The following INO80 variants were observed in gnomAD, a reference collection of about 807,000 sequenced individuals.
INO80 encodes the protein INO80 complex ATPase subunit, also known as chromatin-remodeling ATPase INO80.
Under a neutral mutation model 203.4 loss-of-function variants are expected in INO80, and 20 were observed. That is an observed-to-expected ratio of 0.10 (90% CI 0.07 to 0.14). The LOEUF (loss-of-function observed/expected upper bound fraction) is 0.14, where lower values mean the gene tolerates loss of function less well. INO80 is among the 10% of genes least tolerant of loss of function. INO80 has a pLI of 1.00. For missense variants in INO80, 1,419 were observed against 1,914.4 expected (o/e 0.74, Z 4.83); for synonymous variants, 726 against 685.2 (o/e 1.06, Z -0.93).
Position 41,116,047 on chromosome 15 carries a change from G to C in INO80, c.-118C>G. 2.5e-6 allele frequency: 1 copy of C among 394,792 alleles called. No individual in the cohort carries two copies. Among genetic ancestry groups the C allele is most frequent in the Non-Finnish European group, 4.5e-6 (1 of 223,604 alleles). The allele number at this position is 394,792 out of a possible 1,614,324, so 24.5% of individuals were successfully genotyped here. On this transcript the variant is annotated 5_prime_UTR_variant, in exon 1 of 36. Transcript: ENST00000648947. ...GTGCGGGCGGGGTCCGGAGGGGGGG[G>C]TCGCCCCGCCGACGGTGGAGCCGCG...
intron 1 of INO80, among the ~76,000 whole-genome samples, chr15:41,105,884 G>A (rs946398105): frequency 1.3e-5 from 2 of 152,106 alleles, no homozygotes; most frequent in African/African-American, 4.8e-5. Flanking sequence ...TTCATCTTAT[G>A]TATATTTCCT....
chr15:41,038,938 G>A (rs909759230), intron 24 of INO80, among the ~76,000 whole-genome samples: 1 of 152,138 alleles, frequency 6.6e-6, no homozygotes, highest in Non-Finnish European at 1.5e-5. Flanking sequence ...TTGACCCCGA[G>A]GAATACAACT....
chr15:41,034,835 T>C (rs1482408914), intron 24 of INO80, among the ~76,000 whole-genome samples: 1 of 152,226 alleles, frequency 6.6e-6, no homozygotes, highest in East Asian at 1.9e-4. Flanking sequence ...ACTCTTCCAT[T>C]AAAACCTTGA....
intron 5 of INO80, among the ~76,000 whole-genome samples, chr15:41,090,713 T>C (rs1435161221): frequency 1.3e-5 from 2 of 152,094 alleles, no homozygotes; most frequent in African/African-American, 2.4e-5. Flanking sequence ...GTAATGATAG[T>C]AACACAACTA....
chr15:41,027,760 A>T (rs1236139903), intron 24 of INO80, 24 bp from the exon 25 acceptor site: 1 of 1,551,826 alleles, frequency 6.4e-7, no homozygotes, highest in East Asian at 2.3e-5. Context: ...ATGCAAATGA[A>T]TGCCAACTAT....
At chr15:41,090,945 G>A (rs529107673) in intron 5 of INO80, among the ~76,000 whole-genome samples, 1 of 127,066 alleles carries the variant, frequency 7.9e-6, no homozygotes, top group Non-Finnish European at 1.6e-5. Context: ...TTTTTTTTGA[G>A]ATGAAGTCTT....
intron 23 of INO80, among the ~76,000 whole-genome samples, 183 bp from the exon 24 acceptor site, chr15:41,045,258 A>G (rs2044735736): frequency 6.6e-6 from 1 of 152,180 alleles, no homozygotes; most frequent in African/African-American, 2.4e-5. Flanking sequence ...GTTTGCTACT[A>G]TGAAAACTAA....
intron 11 of INO80, among the ~76,000 whole-genome samples, chr15:41,072,914 G>A (rs2140600437): frequency 6.6e-6 from 1 of 151,726 alleles, no homozygotes; most frequent in South Asian, 2.1e-4. Flanking sequence ...CCGAGTAGCT[G>A]GGACTACAAG....
chr15:41,085,603 A>ACAC lies in INO80; in HGVS notation c.659-21_659-20insGTG. The ACAC allele has an allele frequency of 6.2e-7, 1 of 1,603,288 alleles. No individual in the cohort carries two copies. The highest frequency in any genetic ancestry group is 8.5e-7 in the Non-Finnish European group (1 of 1,171,234). On this transcript the variant is annotated intron_variant, in intron 6 of 35. Coordinates refer to ENST00000648947, the MANE Select transcript of INO80 (RefSeq NM_017553.3). Reference sequence around the variant, plus strand: ...ACTTAGCTGCAAAAGAAACAGATGCAACAGGTTGCACTTCCACAGGAGATA... The same window carrying ACAC: ...ACTTAGCTGCAAAAGAAACAGATGCACACACAGGTTGCACTTCCACAGGAGATA...
intron 8 of INO80, among the ~76,000 whole-genome samples, chr15:41,080,287 A>G (rs2045466808): frequency 6.6e-6 from 1 of 152,226 alleles, no homozygotes; most frequent in African/African-American, 2.4e-5. Flanking sequence ...ACCCTATGAA[A>G]TTGGCATTAC....
At chr15:41,107,662 T>A (rs2045899956) in intron 1 of INO80, among the ~76,000 whole-genome samples, 1 of 151,710 alleles carries the variant, frequency 6.6e-6, no homozygotes, top group African/African-American at 2.4e-5. Context: ...TAGCTGGGTG[T>A]CCTGGTGGGC....
At chr15:41,024,650 C>T (rs2140474608) in intron 25 of INO80, 1 of 152,324 alleles carries the variant, frequency 6.6e-6, no homozygotes, top group East Asian at 1.9e-4. Flanking sequence ...AAGAATAATT[C>T]CTAAGGCCTT....
intron 9 of INO80, among the ~76,000 whole-genome samples, chr15:41,077,735 A>G (rs968653235): frequency 6.6e-6 from 1 of 151,798 alleles, no homozygotes; most frequent in Non-Finnish European, 1.5e-5. Context: ...TAATTTTTCT[A>G]CTGTTTATAG....
At chr15:41,099,216 G>GCCT (rs1453155494) in intron 1 of INO80, among the ~76,000 whole-genome samples, 1 of 113,770 alleles carries the variant, frequency 8.8e-6, no homozygotes, top group Non-Finnish European at 1.7e-5. Flanking sequence ...CTGTGCTCCA[G>GCCT]CCTGGAGTAA....
At position 41,036,177 on chromosome 15, in the gene INO80, A is replaced by AAG. The variant is rs1761548063; in HGVS notation, c.2908-8442_2908-8441insCT. Among the ~76,000 whole-genome samples, 3 of 150,448 alleles carry AAG rather than the reference A, an allele frequency of 2.0e-5. No homozygotes were observed. The South Asian group carries it at 6.3e-4, about 32-fold the overall frequency. ...TCTCGAAAAAAAAAAAAAAAAAAAA[A>AAG]AAAAAAAACCCAAAAAAACCACATA... On this transcript the variant is annotated intron_variant, in intron 24 of 35. Transcript: ENST00000648947.
At chr15:40,993,777 T>TTAAAAG (rs1555397684) in intron 29 of INO80, among the ~76,000 whole-genome samples, 2 of 151,288 alleles carry the variant, frequency 1.3e-5, no homozygotes, top group East Asian at 3.9e-4. Context: ...AATAAATAAA[T>TTAAAAG]AAAAAGAAAA....
intron 23 of INO80, 112 bp downstream of exon 23, chr15:41,047,296 A>G: frequency 1.3e-6 from 1 of 748,976 alleles, no homozygotes; most frequent in South Asian, 1.6e-5. Flanking sequence ...AAGAAAATTA[A>G]TGACAAGTTC....
chr15:41,065,373 T>G (rs1473208147), intron 14 of INO80, among the ~76,000 whole-genome samples: 1 of 151,946 alleles, frequency 6.6e-6, no homozygotes, highest in East Asian at 1.9e-4. Context: ...AGGCGGAGGT[T>G]GCAGCGAGCC....
chr15:41,057,267 C>A (rs1370595414), intron 16 of INO80, among the ~76,000 whole-genome samples: 1 of 151,500 alleles, frequency 6.6e-6, no homozygotes, highest in African/African-American at 2.4e-5. Flanking sequence ...CCAACCTGTG[C>A]AGCATGGAGA....
Sources: allele counts gnomAD v4.1 joint callset (sites outside exome capture counted in the v4.1 genomes callset), GRCh38; gene constraint gnomAD v4.1.1; transcripts MANE v1.5; gene names NCBI Gene and HGNC (gene_info 2026-07-23, HGNC 2026-07-21).